Variants in NTM observed in about 807,000 individuals in gnomAD.
The protein encoded by NTM is neurotrimin, also known as IgLON family member 2.
NTM carries 13 observed loss-of-function variants against 42.1 expected under a neutral mutation model. The ratio of observed to expected loss-of-function variants is 0.31; its 90% CI spans 0.20 to 0.49. The LOEUF is 0.49. Ranked by LOEUF, NTM falls within the 20% of genes least tolerant of loss-of-function variation. The probability of loss-of-function intolerance (pLI) is 0.99; values close to 1 mark genes in which losing one functional copy is unlikely to be tolerated. For missense variants in NTM, 373 were observed against 452.8 expected (o/e 0.82, Z 1.60); for synonymous variants, 187 against 179.2 (o/e 1.04, Z -0.35).
chr11:132,046,888 A>G (rs1028931917), intron 2 of NTM, among the ~76,000 whole-genome samples: 11 of 152,096 alleles, frequency 7.2e-5, no homozygotes, highest in Non-Finnish European at 1.0e-4. Context: ...TCATCAATCT[A>G]TCTGTTATCT....
intron 1 of NTM, among the ~76,000 whole-genome samples, chr11:131,544,241 C>T (rs2053636542): frequency 6.6e-6 from 1 of 152,134 alleles, no homozygotes; most frequent in Admixed American, 6.5e-5. Context: ...AATATTTTTT[C>T]CAATTTCAAA....
intron 4 of NTM, among the ~76,000 whole-genome samples, chr11:132,271,078 C>G (rs796344483): frequency 2.0e-5 from 3 of 152,272 alleles, no homozygotes; most frequent in Admixed American, 6.5e-5. Flanking sequence ...TCTCACCCCC[C>G]AGCACATTAC....
At chr11:131,498,778 G>T (rs547108081) in intron 1 of NTM, among the ~76,000 whole-genome samples, 7 of 152,212 alleles carry the variant, frequency 4.6e-5, no homozygotes, top group African/African-American at 1.2e-4. Context: ...CTGCCAGGAG[G>T]GGGTGGCCAC....
At chr11:131,767,035 A>T in intron 1 of NTM, 1 of 359,360 alleles carries the variant, frequency 2.8e-6, no homozygotes, top group South Asian at 1.1e-4. Flanking sequence ...ATAACCAAGT[A>T]AATGTCAGTT....
At chr11:132,155,397 A>G (rs1179329171) in intron 3 of NTM, among the ~76,000 whole-genome samples, 1 of 152,016 alleles carries the variant, frequency 6.6e-6, no homozygotes, top group South Asian at 2.1e-4. Context: ...GCTTACATCC[A>G]TTTGTCTTTT....
intron 2 of NTM, among the ~76,000 whole-genome samples, chr11:131,999,626 C>A (rs1317315450): frequency 6.6e-6 from 1 of 152,214 alleles, no homozygotes; most frequent in Non-Finnish European, 1.5e-5. Flanking sequence ...AAATTTCCTG[C>A]ATAAGTTAGT....
chr11:131,585,479 T>C (rs1254573924), intron 1 of NTM, among the ~76,000 whole-genome samples: 1 of 152,160 alleles, frequency 6.6e-6, no homozygotes, highest in Non-Finnish European at 1.5e-5. Flanking sequence ...CCAGCAGGAC[T>C]GAACTCCTCC....
intron 1 of NTM, among the ~76,000 whole-genome samples, chr11:131,703,240 G>T (rs1482775889): frequency 6.6e-6 from 1 of 152,144 alleles, no homozygotes; most frequent in Non-Finnish European, 1.5e-5. Context: ...TTCACAAAGA[G>T]ATGATAAACA....
At chr11:131,588,234 C>T (rs1379301969) in intron 1 of NTM, among the ~76,000 whole-genome samples, 1 of 152,230 alleles carries the variant, frequency 6.6e-6, no homozygotes, top group African/African-American at 2.4e-5. Flanking sequence ...TGGTCCCTTG[C>T]CAAGCAGGCG....
chr11:132,157,879 C>T (rs11222957), intron 3 of NTM, among the ~76,000 whole-genome samples: 60,556 of 151,906 alleles, frequency 0.4, 12,582 homozygotes, highest in East Asian at 0.64. Context: ...TTCCTTTTCC[C>T]GTCCTCTTCC....
chr11:132,326,276 G>T (rs2095681316), intron 7 of NTM, among the ~76,000 whole-genome samples: 1 of 152,110 alleles, frequency 6.6e-6, no homozygotes, highest in East Asian at 1.9e-4. Flanking sequence ...GAAGGACCGA[G>T]CTAGTTCTGA....
At chr11:132,063,639 A>C (rs2081014481) in intron 2 of NTM, among the ~76,000 whole-genome samples, 4 of 152,170 alleles carry the variant, frequency 2.6e-5, no homozygotes, top group Admixed American at 2.6e-4. Flanking sequence ...CTTAGACTTC[A>C]ATCATTTTAC....
rs567667645 is a variant in NTM at position 131,629,456 on chromosome 11, A to C, written c.82+258568A>C. 2.6e-5 allele frequency among the ~76,000 whole-genome samples: 4 copies of C among 152,340 alleles called. No individual in the cohort carries two copies. In the South Asian group the frequency reaches 8.3e-4, roughly 32 times the overall value. On this transcript the variant is annotated intron_variant, in intron 1 of 8. Transcript: ENST00000683400. The stretch of plus-strand genomic sequence containing the variant: ...ACTTAGAAAAGCTTTATATCCTTAC[A>C]TGAAGGACAGAACAGGCAGCTATAT...
chr11:131,400,405 G>C (rs777653481), intron 1 of NTM, among the ~76,000 whole-genome samples: 1 of 152,044 alleles, frequency 6.6e-6, no homozygotes, highest in Non-Finnish European at 1.5e-5. Flanking sequence ...CTTTATTCCC[G>C]GACCGTGTCT....
At chr11:131,991,299 C>G (rs552478904) in intron 2 of NTM, among the ~76,000 whole-genome samples, 1 of 152,130 alleles carries the variant, frequency 6.6e-6, no homozygotes, top group Non-Finnish European at 1.5e-5. Flanking sequence ...TTGAGAACAG[C>G]AGTTCCACAA....
At chr11:132,093,372 C>T (rs2060593413) in intron 2 of NTM, among the ~76,000 whole-genome samples, 2 of 152,182 alleles carry the variant, frequency 1.3e-5, no homozygotes, top group African/African-American at 4.8e-5. Context: ...AGAAAGAGCA[C>T]AAGATTTGGA....
intron 1 of NTM, among the ~76,000 whole-genome samples, chr11:131,503,420 AG>A (rs1388935254): frequency 6.6e-6 from 1 of 152,144 alleles, no homozygotes; most frequent in African/African-American, 2.4e-5. Context: ...GTCCTCACCG[AG>A]GAGGGTCAGA....
At chr11:131,843,365 G>A (rs551013625) in intron 1 of NTM, among the ~76,000 whole-genome samples, 1 of 152,086 alleles carries the variant, frequency 6.6e-6, no homozygotes, top group Non-Finnish European at 1.5e-5. Context: ...TACTATAAAT[G>A]GTCTCAGTCT....
chr11:131,526,187 CA>C (rs1485449822), intron 1 of NTM, among the ~76,000 whole-genome samples: 1 of 152,212 alleles, frequency 6.6e-6, no homozygotes, highest in Non-Finnish European at 1.5e-5. Flanking sequence ...ATAAATGACA[CA>C]GTCAGAATAT....
Sources: gnomAD v4.1 joint callset for allele counts (sites outside exome capture counted in the v4.1 genomes callset) on GRCh38, gnomAD v4.1.1 for gene constraint, MANE v1.5 for transcripts, NCBI Gene and HGNC (gene_info 2026-07-23, HGNC 2026-07-21) for gene names.